The following TCTN3 variants were observed in gnomAD, a reference collection of about 807,000 sequenced individuals.
The protein encoded by TCTN3 is tectonic family member 3, also known as tectonic-3.
Under a neutral mutation model 71.3 loss-of-function variants are expected in TCTN3, and 57 were observed. That is an observed-to-expected ratio of 0.80 (90% CI 0.65 to 1.00). TCTN3 has a LOEUF of 1.00. Ranked by LOEUF, TCTN3 falls within the 50% of genes least tolerant of loss-of-function variation. The pLI is 0.00. For synonymous variants in TCTN3, 258 were observed against 267.8 expected, an observed-to-expected ratio of 0.96 and a Z score of 0.36; for missense variants, 696 against 719.9, an observed-to-expected ratio of 0.97 and a Z score of 0.38.
At chr10:95,688,397 GAAAAAAAAAAAAA>G (rs60722894) in intron 3 of TCTN3, among the ~76,000 whole-genome samples, 1 of 104,592 alleles carries the variant, frequency 9.6e-6, no homozygotes, top group Non-Finnish European at 1.9e-5. Flanking sequence ...TCAAAAAAAA[GAAAAAAAAAAAAA>G]AAAAAAAAGA....
rs114306378 is a variant in TCTN3 at position 95,670,621 on chromosome 10, G to A, written c.1591-6321C>T. Among the ~76,000 whole-genome samples, 313 of 151,660 alleles carry A rather than the reference G, an allele frequency of 2.1e-3. 1 individual carries two copies. Among genetic ancestry groups the A allele is most frequent in the African/African-American group, 7.4e-3 (305 of 41,256 alleles). On this transcript the variant is annotated intron_variant, in intron 13 of 13. Coordinates refer to ENST00000371217, the MANE Select transcript of TCTN3 (RefSeq NM_015631.6). ...GGACTCAGGCAATCCATCCGCCTCC[G>A]CCTCCCAAAATGCTGGAATTACAAG...
chr10:95,676,259 T>C (rs926196524), intron 13 of TCTN3, among the ~76,000 whole-genome samples: 2 of 151,890 alleles, frequency 1.3e-5, no homozygotes, highest in African/African-American at 4.8e-5. Flanking sequence ...AATATCTTTT[T>C]TTTTTTTTTT....
chr10:95,690,480 A>G (rs2097952506), intron 3 of TCTN3, among the ~76,000 whole-genome samples: 1 of 152,260 alleles, frequency 6.6e-6, no homozygotes, highest in East Asian at 1.9e-4. Flanking sequence ...AAGATGAGCA[A>G]GAAAACACTC....
At chr10:95,689,073 A>G (rs993065619) in intron 3 of TCTN3, among the ~76,000 whole-genome samples, 2 of 152,196 alleles carry the variant, frequency 1.3e-5, no homozygotes, top group African/African-American at 2.4e-5. Context: ...AATGGATAAC[A>G]TCTTAATTAC....
chr10:95,667,216 G>A lies in TCTN3; in HGVS notation c.1591-2916C>T, dbSNP rs552840983. ...TGAGTTGTTCTTTCGGAGTCACCCA[G>A]AATATGTGCTCATTAAGAGCTACTA... is the stretch of plus-strand genomic sequence containing the variant. On this transcript the variant is annotated intron_variant, in intron 13 of 13. Transcript: ENST00000371217. 3.9e-5 allele frequency among the ~76,000 whole-genome samples: 6 copies of A among 152,218 alleles called. No individual in the cohort carries two copies. The East Asian group carries it at 9.7e-4, about 24-fold the overall frequency.
At chr10:95,683,455 A>C in intron 10 of TCTN3, 67 bp downstream of exon 10, 1 of 1,613,384 alleles carries the variant, frequency 6.2e-7, no homozygotes, top group Non-Finnish European at 8.5e-7. Flanking sequence ...AGTCTAACAT[A>C]AGTTTGAAAG....
At chr10:95,690,128 C>T (rs151023123) in intron 3 of TCTN3, among the ~76,000 whole-genome samples, 4,752 of 152,076 alleles carry the variant, frequency 0.031, 99 homozygotes, top group South Asian at 0.081. Flanking sequence ...GCACTACAGG[C>T]ATGCACCACC....
chr10:95,693,127 C>T, intron 2 of TCTN3, 89 bp from the exon 3 acceptor site: 2 of 1,217,638 alleles, frequency 1.6e-6, no homozygotes, highest in Non-Finnish European at 2.3e-6. Context: ...CCAGATGATG[C>T]CAAAGAGGAC....
chr10:95,693,819 G>T lies in TCTN3; in HGVS notation c.81C>A (p.Ser27=). 1 of 1,551,736 alleles carries T rather than the reference G, an allele frequency of 6.4e-7. No individual in the cohort carries two copies. The highest frequency in any genetic ancestry group is 1.4e-5 in the African/African-American group (1 of 73,190). ...AAGACGTGGGCACTGCCCCTGATGGGGAGGAAGAGGGCTGAGGCCGGACGC... is the reference window on the plus strand; with the variant it reads ...AAGACGTGGGCACTGCCCCTGATGGTGAGGAAGAGGGCTGAGGCCGGACGC... ...PDGVRPQPSS[S]PSGAVPTSLE... The change falls in exon 1 of 14, where the codon TCC becomes TCA. Residue 27 remains serine (S), a synonymous_variant. Coordinates refer to ENST00000371217, the MANE Select transcript of TCTN3 (RefSeq NM_015631.6).
intron 1 of TCTN3, 42 bp from the exon 2 acceptor site, chr10:95,693,518 A>T: frequency 6.4e-7 from 1 of 1,551,720 alleles, no homozygotes; most frequent in Non-Finnish European, 8.7e-7. Flanking sequence ...GAAGATCCCC[A>T]AACTCTCCCA....
chr10:95,680,538 A>G lies in TCTN3; in HGVS notation c.1524T>C (p.Gly508=). ...CATGAGCTTGCGGGTTGGACAGGAG[A>G]CCTACATATGCCCACAATACCTGGA... The part of the protein sequence containing the change: ...LEIQVLWAYV[G]LLSNPQAHVS... The change falls in exon 13 of 14, where the codon GGT becomes GGC. Residue 508 remains glycine (G), a synonymous_variant. Transcript: ENST00000371217. 1.2e-6 allele frequency: 2 copies of G among 1,614,148 alleles called. No homozygotes were observed. The highest frequency in any genetic ancestry group is 1.7e-6 in the Non-Finnish European group (2 of 1,180,024).
At chr10:95,692,877 T>C in intron 3 of TCTN3, 43 bp downstream of exon 3, 1 of 1,414,410 alleles carries the variant, frequency 7.1e-7, no homozygotes, top group Non-Finnish European at 1.0e-6. Context: ...AATATAACAC[T>C]CCTGTGTTAG....
chr10:95,664,222 T>C lies in TCTN3; in HGVS notation c.1669A>G (p.Arg557Gly), dbSNP rs754193676. 2.2e-5 allele frequency: 35 copies of C among 1,614,070 alleles called. No individual in the cohort carries two copies. Among genetic ancestry groups the C allele is most frequent in the Admixed American group, 3.3e-5 (2 of 59,996 alleles). Reference protein sequence around the residue: ...VDITQKPQPPRGQPKMDWKWP... With the variant: ...VDITQKPQPPGGQPKMDWKWP... ...TTCCAGTCCATTTTGGGTTGGCCCC[T>C]TGGAGGCTGTGGCTTCTGGGTAATG... Residue 557 changes from arginine to glycine, a missense_variant, in exon 14 of 14, where the codon AGG becomes GGG. Coordinates refer to ENST00000371217, the MANE Select transcript of TCTN3 (RefSeq NM_015631.6).
chr10:95,688,836 C>T (rs574147818), intron 3 of TCTN3, among the ~76,000 whole-genome samples: 10 of 152,310 alleles, frequency 6.6e-5, no homozygotes, highest in Non-Finnish European at 1.2e-4. Flanking sequence ...GGCTGTGATG[C>T]TGTCCCCTGC....
At position 95,675,477 on chromosome 10, in the gene TCTN3, C is replaced by A. The variant is rs539393833; in HGVS notation, c.1590+4995G>T. Reference sequence around the variant, plus strand: ...GGTAATAAAATAATTAAAAAATAAACCCCAGCTGAATGAACTAGGTCAGTT... The same window carrying A: ...GGTAATAAAATAATTAAAAAATAAAACCCAGCTGAATGAACTAGGTCAGTT... On this transcript the variant is annotated intron_variant, in intron 13 of 13. Coordinates refer to ENST00000371217, the MANE Select transcript of TCTN3 (RefSeq NM_015631.6). 1.1e-4 allele frequency among the ~76,000 whole-genome samples: 17 copies of A among 152,212 alleles called. No homozygotes were observed. The East Asian group carries it at 2.3e-3, about 21-fold the overall frequency.
chr10:95,665,252 G>A (rs887974438), intron 13 of TCTN3, among the ~76,000 whole-genome samples: 1 of 152,046 alleles, frequency 6.6e-6, no homozygotes. Flanking sequence ...AAGACTATAC[G>A]AGTGCACAAC....
chr10:95,693,185 G>C (rs2097955267), intron 2 of TCTN3, 147 bp from the exon 3 acceptor site: 5 of 1,270,112 alleles, frequency 3.9e-6, no homozygotes, highest in Non-Finnish European at 4.3e-6. Context: ...CTACTGGCCA[G>C]CCCTGCTCTA....
In TCTN3 at chr10:95,693,754, G is replaced by C; in HGVS notation, c.146C>G (p.Ser49Cys). 6.4e-7 allele frequency: 1 copy of C among 1,551,704 alleles called. No individual in the cohort carries two copies. Reference protein sequence around the residue: ...QRGTDGGTLQSPSEATATRPA... With the variant: ...QRGTDGGTLQCPSEATATRPA... ...GCGAGTTGCAGTCGCCTCTGAAGGG[G>C]ACTGGAGGGTTCCGCCATCCGTCCC... The change falls in exon 1 of 14, where the codon TCC (serine) becomes TGC (cysteine). Residue 49 changes from serine to cysteine, a missense_variant. Coordinates refer to ENST00000371217, the MANE Select transcript of TCTN3 (RefSeq NM_015631.6).
intron 3 of TCTN3, among the ~76,000 whole-genome samples, chr10:95,690,217 C>T (rs886657058): frequency 6.6e-6 from 1 of 152,094 alleles, no homozygotes; most frequent in Non-Finnish European, 1.5e-5. Flanking sequence ...CTCCTGGGCT[C>T]ATGCAATCCT....
Sources: allele counts gnomAD v4.1 joint callset (sites outside exome capture counted in the v4.1 genomes callset), GRCh38; gene constraint gnomAD v4.1.1; transcripts MANE v1.5; gene names NCBI Gene and HGNC (gene_info 2026-07-23, HGNC 2026-07-21).